Variants in EMILIN2 observed in about 807,000 individuals in gnomAD.
EMILIN2 encodes the protein EMILIN-2.
A neutral mutation model predicts 87.1 loss-of-function variants in EMILIN2; 71 were observed. The observed-to-expected ratio is 0.82, with a 90% confidence interval of 0.67 to 0.99. EMILIN2 has a LOEUF of 0.99. Ranked by LOEUF, EMILIN2 falls within the 50% of genes least tolerant of loss-of-function variation. EMILIN2 has a pLI of 0.00. For missense variants in EMILIN2, 1,407 were observed against 1,371.8 expected, an observed-to-expected ratio of 1.03 and a Z score of -0.40; for synonymous variants, 581 against 563.4, an observed-to-expected ratio of 1.03 and a Z score of -0.44.
intron 3 of EMILIN2, among the ~76,000 whole-genome samples, chr18:2,887,166 A>G (rs2076807137): frequency 6.6e-6 from 1 of 152,298 alleles, no homozygotes; most frequent in East Asian, 1.9e-4. Flanking sequence ...AATTTTGACA[A>G]TAGTGCTCAG....
chr18:2,869,862 A>C (rs2143990918), intron 2 of EMILIN2, among the ~76,000 whole-genome samples: 1 of 152,048 alleles, frequency 6.6e-6, no homozygotes, highest in East Asian at 1.9e-4. Context: ...CAGAGTGGGC[A>C]AAATAACTTT....
At chr18:2,909,971 G>A (rs2144076785) in intron 7 of EMILIN2, 152 bp downstream of exon 7, 3 of 1,053,714 alleles carry the variant, frequency 2.8e-6, no homozygotes, top group South Asian at 1.6e-5. Flanking sequence ...GCACTCCTCT[G>A]CCCGACTCTG....
intron 2 of EMILIN2, among the ~76,000 whole-genome samples, chr18:2,865,011 G>C (rs907884372): frequency 2.0e-5 from 3 of 152,132 alleles, no homozygotes; most frequent in Non-Finnish European, 2.9e-5. Flanking sequence ...GATCGCATCA[G>C]CTACTGAGGC....
intron 4 of EMILIN2, among the ~76,000 whole-genome samples, chr18:2,898,266 C>T (rs2076872730): frequency 6.6e-6 from 1 of 152,250 alleles, no homozygotes; most frequent in South Asian, 2.1e-4. Context: ...CACTGGGTGA[C>T]CAGCAGAGGC....
Position 2,913,449 on chromosome 18 carries a change from C to G in EMILIN2, c.*45C>G. On this transcript the variant is annotated 3_prime_UTR_variant, in exon 8 of 8. Transcript: ENST00000254528. The stretch of plus-strand genomic sequence containing the variant: ...GGGGAAAGATAGATAGTTGTAAAAA[C>G]TCTAAAGCTTTAATATATTCGGTTT... 6.9e-7 allele frequency: 1 copy of G among 1,446,100 alleles called. No individual in the cohort carries two copies. Among genetic ancestry groups the G allele is most frequent in the Middle Eastern group, 1.9e-4 (1 of 5,244 alleles). 89.6% of individuals were successfully genotyped at this position (1,446,100 alleles called of 1,614,324 possible).
chr18:2,872,541 T>C (rs997804594), intron 2 of EMILIN2, among the ~76,000 whole-genome samples: 1 of 152,260 alleles, frequency 6.6e-6, no homozygotes, highest in African/African-American at 2.4e-5. Context: ...TTTTTAATAC[T>C]CGATGAAAAA....
At position 2,913,415 on chromosome 18, in the gene EMILIN2, G is replaced by T. The variant is rs769402513; in HGVS notation, c.*11G>T. On this transcript the variant is annotated 3_prime_UTR_variant, in exon 8 of 8. Coordinates refer to ENST00000254528, the MANE Select transcript of EMILIN2 (RefSeq NM_032048.3). ...CTTTCCCACCTCTAAGGTGGCTGGG[G>T]AGATGTCAGGGGAAAGATAGATAGT... The T allele has an allele frequency of 6.4e-7, 1 of 1,557,736 alleles. No individual in the cohort carries two copies. Among genetic ancestry groups the T allele is most frequent in the East Asian group, 2.2e-5 (1 of 44,520 alleles).
chr18:2,882,528 T>A (rs562159176), intron 2 of EMILIN2, among the ~76,000 whole-genome samples: 1 of 152,282 alleles, frequency 6.6e-6, no homozygotes, highest in Admixed American at 6.5e-5. Flanking sequence ...GGGGATCACT[T>A]GAGGCCATGG....
At chr18:2,909,884 C>T (rs1283164171) in intron 7 of EMILIN2, 65 bp downstream of exon 7, 1 of 1,579,740 alleles carries the variant, frequency 6.3e-7, no homozygotes, top group South Asian at 1.2e-5. Flanking sequence ...GGACCCCTCC[C>T]ACCATGGCTG....
chr18:2,909,597 C>T, intron 6 of EMILIN2, 94 bp from the exon 7 acceptor site: 1 of 1,504,942 alleles, frequency 6.6e-7, no homozygotes, highest in Non-Finnish European at 9.0e-7. Context: ...GGGCCTGGCA[C>T]CTGGGCCTGG....
At chr18:2,858,127 A>C (rs2076637121) in intron 2 of EMILIN2, among the ~76,000 whole-genome samples, 5 of 152,018 alleles carry the variant, frequency 3.3e-5, no homozygotes, top group Admixed American at 3.3e-4. Context: ...GAGTAATCCC[A>C]ATTAGGAAGC....
intron 2 of EMILIN2, among the ~76,000 whole-genome samples, chr18:2,871,281 T>C (rs1163464468): frequency 1.3e-5 from 2 of 152,150 alleles, no homozygotes; most frequent in Non-Finnish European, 2.9e-5. Context: ...CTTGCTATGT[T>C]GCCCAGCCTG....
intron 2 of EMILIN2, among the ~76,000 whole-genome samples, chr18:2,884,009 G>A (rs2076789966): frequency 6.6e-6 from 1 of 152,146 alleles, no homozygotes; most frequent in African/African-American, 2.4e-5. Context: ...AGGCTGGAGT[G>A]CAGTGGCGCG....
At chr18:2,905,330 A>T in intron 4 of EMILIN2, among the ~76,000 whole-genome samples, 3 of 144,916 alleles carry the variant, frequency 2.1e-5, no homozygotes, top group African/African-American at 5.1e-5. Context: ...GATCTGCCAT[A>T]TTTATCTTAG....
chr18:2,900,214 G>A (rs978584808), intron 4 of EMILIN2, among the ~76,000 whole-genome samples: 7 of 151,870 alleles, frequency 4.6e-5, no homozygotes, highest in African/African-American at 1.5e-4. Flanking sequence ...TTGAGACAGG[G>A]TCTTGCTCTG....
intron 2 of EMILIN2, among the ~76,000 whole-genome samples, chr18:2,875,702 G>C (rs1010308911): frequency 6.6e-6 from 1 of 152,216 alleles, no homozygotes; most frequent in African/African-American, 2.4e-5. Flanking sequence ...GCAGCCTGCA[G>C]TTGGAGATGA....
At chr18:2,908,001 C>T (rs62075048) in intron 5 of EMILIN2, among the ~76,000 whole-genome samples, 18,194 of 152,186 alleles carry the variant, frequency 0.12, 1,476 homozygotes, top group African/African-American at 0.22. Flanking sequence ...GCCCCTGATG[C>T]CCACGGCTGT....
rs1021131194 is a variant in EMILIN2, at chr18:2,907,102, C to T, written c.2662+17C>T. On this transcript the variant is annotated intron_variant, in intron 5 of 7. Coordinates refer to ENST00000254528, the MANE Select transcript of EMILIN2 (RefSeq NM_032048.3). ...GCGCACCAGGTGAGGCCCGGGGCTG[C>T]GCGGGGAGGAGCGCGGGGCTCTCCC... 15 of 1,233,084 alleles carry T rather than the reference C, an allele frequency of 1.2e-5. No individual in the cohort carries two copies. Among genetic ancestry groups the T allele is most frequent in the Admixed American group, 4.2e-5 (1 of 23,560 alleles). The allele number at this position is 1,233,084 out of a possible 1,614,324, so 76.4% of individuals were successfully genotyped here.
chr18:2,907,233 C>T (rs2076918966), intron 5 of EMILIN2, 148 bp downstream of exon 5: 3 of 903,416 alleles, frequency 3.3e-6, no homozygotes, highest in Non-Finnish European at 2.9e-6. Flanking sequence ...ATGCCGAGGC[C>T]CGAGGGACCG....
Sources: allele counts gnomAD v4.1 joint callset (sites outside exome capture counted in the v4.1 genomes callset), GRCh38; gene constraint gnomAD v4.1.1; transcripts MANE v1.5; gene names NCBI Gene and HGNC (gene_info 2026-07-23, HGNC 2026-07-21).